Variants in P2RY12 observed in about 807,000 individuals in gnomAD.
P2RY12 encodes purinergic receptor P2Y12, also known as P2Y purinoceptor 12.
P2RY12 carries 3 observed loss-of-function variants against 4.5 expected under a neutral mutation model. The ratio of observed to expected loss-of-function variants is 0.67; its 90% CI spans 0.31 to 1.74. The LOEUF (loss-of-function observed/expected upper bound fraction) is 1.74, where lower values mean the gene tolerates loss of function less well. Among genes scored for constraint, P2RY12 ranks in the 40% most tolerant of loss-of-function variants. P2RY12 has a pLI of 0.09. For synonymous variants in P2RY12, 148 were observed against 154.1 expected (o/e 0.96, Z 0.29); for missense variants, 356 against 407.8 (o/e 0.87, Z 1.09).
Position 151,337,807 on chromosome 3 carries a change from G to A in P2RY12, c.*10C>T. ...ACAAAGAGATTGAAATATTTCCTTA[G>A]TTAATTTGTTTACATTGGAGTCTCT... On this transcript the variant is annotated 3_prime_UTR_variant, in exon 3 of 3. Transcript: ENST00000302632. 2.5e-6 allele frequency: 4 copies of A among 1,612,282 alleles called. No homozygotes were observed. The highest frequency in any genetic ancestry group is 2.5e-6 in the Non-Finnish European group (3 of 1,178,626).
Position 151,339,954 on chromosome 3 carries a change from A to T in P2RY12, c.-15+642T>A, listed in dbSNP as rs531277391. ...ATTGAAAGTACAAATAACAAATTTT[A>T]AAAAATAACTTTCGTGTAAAAGATA... is the stretch of plus-strand genomic sequence containing the variant. On this transcript the variant is annotated intron_variant, in intron 2 of 2. Transcript: ENST00000302632. Among the ~76,000 whole-genome samples, 79 of 152,290 alleles carry T rather than the reference A, an allele frequency of 5.2e-4. 1 individual carries two copies. Among genetic ancestry groups the T allele is most frequent in the African/African-American group, 1.5e-3 (62 of 41,588 alleles).
Position 151,355,753 on chromosome 3 carries a change from A to G in P2RY12, c.-179-14993T>C, listed in dbSNP as rs367554400. On this transcript the variant is annotated intron_variant, in intron 1 of 2. Coordinates refer to ENST00000302632, the MANE Select transcript of P2RY12 (RefSeq NM_022788.5). ...TCATTTTCTTTGTACATAGTTTTAT[A>G]GTTTCTATAGAAACACGTTTTGACT... 136 of 620,456 alleles carry G rather than the reference A, an allele frequency of 2.2e-4. No homozygotes were observed. The South Asian group carries it at 2.4e-3, about 11-fold the overall frequency. 38.4% of individuals were successfully genotyped at this position (620,456 alleles called of 1,614,324 possible). A position where few individuals can be genotyped will look rare whatever the true frequency, so the allele number is the denominator to read the frequency against.
rs182385536 is a variant in P2RY12 at position 151,369,391 on chromosome 3, A to G, written c.-180+15301T>C. The G allele has an allele frequency of 4.3e-4, 566 of 1,310,540 alleles. 4 individuals carry two copies. In the Admixed American group the frequency reaches 0.011, roughly 25 times the overall value. The allele number at this position is 1,310,540 out of a possible 1,614,324, so 81.2% of individuals were successfully genotyped here. A position where few individuals can be genotyped will look rare whatever the true frequency, so the allele number is the denominator to read the frequency against. On this transcript the variant is annotated intron_variant, in intron 1 of 2. Transcript: ENST00000302632. Reference sequence around the variant, plus strand: ...TGCCTGTAAATAATTACAAAACATTACTAATGATGGTAATGAGACTATTAA... The same window carrying G: ...TGCCTGTAAATAATTACAAAACATTGCTAATGATGGTAATGAGACTATTAA...
At chr3:151,346,467 C>A (rs1349307385) in intron 1 of P2RY12, among the ~76,000 whole-genome samples, 1 of 152,120 alleles carries the variant, frequency 6.6e-6, no homozygotes, top group East Asian at 1.9e-4. Context: ...ACTTTAACCG[C>A]TTGTTTCTTA....
At chr3:151,359,600 G>C (rs1393545599) in intron 1 of P2RY12, among the ~76,000 whole-genome samples, 2 of 152,156 alleles carry the variant, frequency 1.3e-5, no homozygotes, top group African/African-American at 4.8e-5. Context: ...GCTTCTGCTA[G>C]AACTAGCTCT....
Position 151,367,946 on chromosome 3 carries a change from G to A in P2RY12, c.-180+16746C>T, listed in dbSNP as rs539346826. On this transcript the variant is annotated intron_variant, in intron 1 of 2. Transcript: ENST00000302632. ...TTTATACAAATTAACATGTATCACC[G>A]TGAAAAAGGTGGGAAACTGCTATGT... 3.3e-5 allele frequency among the ~76,000 whole-genome samples: 5 copies of A among 152,224 alleles called. No homozygotes were observed. In the South Asian group the frequency reaches 8.3e-4, roughly 25 times the overall value.
chr3:151,358,910 T>C (rs1754272285), intron 1 of P2RY12, among the ~76,000 whole-genome samples: 1 of 152,210 alleles, frequency 6.6e-6, no homozygotes, highest in Non-Finnish European at 1.5e-5. Context: ...AAATAATTTT[T>C]CGCTTTATAG....
chr3:151,363,847 T>A (rs781524229), intron 1 of P2RY12, among the ~76,000 whole-genome samples: 10 of 152,166 alleles, frequency 6.6e-5, no homozygotes, highest in Admixed American at 2.0e-4. Flanking sequence ...GGAATAGAGC[T>A]GAAACTACAT....
intron 1 of P2RY12, among the ~76,000 whole-genome samples, chr3:151,343,046 G>C (rs1379989663): frequency 1.3e-5 from 2 of 152,050 alleles, no homozygotes; most frequent in African/African-American, 4.8e-5. Flanking sequence ...TTCTGTACCT[G>C]AGAATCTTTC....
chr3:151,373,578 C>G (rs2108031354), intron 1 of P2RY12, among the ~76,000 whole-genome samples: 1 of 150,332 alleles, frequency 6.7e-6, no homozygotes, highest in Middle Eastern at 3.5e-3. Context: ...TTTTCCCCAA[C>G]TTCTCCTCTC....
At chr3:151,368,258 T>C in intron 1 of P2RY12, 7 of 1,610,728 alleles carry the variant, frequency 4.3e-6, no homozygotes, top group Non-Finnish European at 5.9e-6. Flanking sequence ...ACGGGTGAGC[T>C]GACTGCAGAA....
At chr3:151,372,415 T>C in intron 1 of P2RY12, 1 of 618,348 alleles carries the variant, frequency 1.6e-6, no homozygotes, top group Non-Finnish European at 2.8e-6. Flanking sequence ...TTTATGCTCT[T>C]GATCCATTCT....
intron 1 of P2RY12, among the ~76,000 whole-genome samples, chr3:151,383,082 C>T (rs968482931): frequency 6.6e-6 from 1 of 152,156 alleles, no homozygotes; most frequent in Non-Finnish European, 1.5e-5. Flanking sequence ...TACTTAAAAC[C>T]ATTTAAAAAG....
intron 2 of P2RY12, 55 bp from the exon 3 acceptor site, chr3:151,338,914 G>C (rs1348653857): frequency 8.0e-6 from 12 of 1,509,240 alleles, no homozygotes; most frequent in Non-Finnish European, 1.1e-5. Flanking sequence ...TATTATTGCT[G>C]TTATCTCTGT....
At chr3:151,368,846 C>T (rs1467878670) in intron 1 of P2RY12, among the ~76,000 whole-genome samples, 2 of 149,550 alleles carry the variant, frequency 1.3e-5, no homozygotes, top group Non-Finnish European at 3.0e-5. Context: ...ACTGCAACCT[C>T]TGCCTCCCGG....
chr3:151,366,114 T>G, intron 1 of P2RY12: 1 of 865,538 alleles, frequency 1.2e-6, no homozygotes, highest in Non-Finnish European at 1.6e-6. Context: ...TATTTTTTCT[T>G]TCTCTGTCCA....
At chr3:151,342,072 T>C (rs986746871) in intron 1 of P2RY12, among the ~76,000 whole-genome samples, 14 of 152,220 alleles carry the variant, frequency 9.2e-5, no homozygotes, top group Non-Finnish European at 2.1e-4. Flanking sequence ...GCATGACTTA[T>C]AATCCTTTGG....
At chr3:151,348,434 A>G (rs915028428) in intron 1 of P2RY12, among the ~76,000 whole-genome samples, 2 of 151,934 alleles carry the variant, frequency 1.3e-5, no homozygotes, top group African/African-American at 4.8e-5. Flanking sequence ...AGCTCAGCTC[A>G]TTCAGATGCG....
intron 1 of P2RY12, among the ~76,000 whole-genome samples, chr3:151,363,227 A>G (rs1278167640): frequency 6.6e-6 from 1 of 152,176 alleles, no homozygotes; most frequent in Non-Finnish European, 1.5e-5. Flanking sequence ...TGAAAGAGAA[A>G]TACAACTTTC....
Sources: allele counts gnomAD v4.1 joint callset (sites outside exome capture counted in the v4.1 genomes callset), GRCh38; gene constraint gnomAD v4.1.1; transcripts MANE v1.5; gene names NCBI Gene and HGNC (gene_info 2026-07-23, HGNC 2026-07-21).